PMPCB: variants seen among roughly 807,000 people sequenced by gnomAD.
PMPCB encodes the protein mitochondrial-processing peptidase subunit beta.
In PMPCB, 46 loss-of-function variants were observed where a neutral mutation model predicts 61.5. The observed-to-expected ratio is 0.75, with a 90% CI of 0.59 to 0.96. The LOEUF (loss-of-function observed/expected upper bound fraction) is 0.96, where lower values mean the gene tolerates loss of function less well. Among genes scored for constraint, PMPCB ranks in the 40% least tolerant of loss-of-function variants. The probability of loss-of-function intolerance (pLI) is 0.00; values close to 1 mark genes in which losing one functional copy is unlikely to be tolerated. For synonymous variants in PMPCB, 191 were observed against 201.6 expected, an observed-to-expected ratio of 0.95 and a Z score of 0.44; for missense variants, 590 against 602.4, an observed-to-expected ratio of 0.98 and a Z score of 0.22.
chr7:103,315,774 T>A, downstream of PMPCB: 1 of 1,613,008 alleles, frequency 6.2e-7, no homozygotes, highest in East Asian at 2.2e-5. Flanking sequence ...CTTCAAATCG[T>A]TCTGAAGGCG....
intron 7 of PMPCB, 144 bp downstream of exon 7, chr7:103,307,852 T>A: frequency 1.7e-6 from 1 of 574,876 alleles, no homozygotes; most frequent in Non-Finnish European, 3.1e-6. Flanking sequence ...TTTGCTTACA[T>A]TCCTTCCTCT....
intron 1 of PMPCB, chr7:103,298,035 G>C: frequency 1.3e-6 from 1 of 794,570 alleles, no homozygotes; most frequent in South Asian, 2.1e-5. Flanking sequence ...TTTGTATAAG[G>C]GCAAAGAAAA....
the PMPCB span, among the ~76,000 whole-genome samples, chr7:103,342,116 G>A: frequency 1.3e-5 from 2 of 152,248 alleles, no homozygotes; most frequent in African/African-American, 4.8e-5. Context: ...GTTTACATGA[G>A]GGTTAGCAAG....
downstream of PMPCB, among the ~76,000 whole-genome samples, chr7:103,317,948 T>C (rs1563457148): frequency 1.4e-5 from 1 of 72,064 alleles, no homozygotes; most frequent in Non-Finnish European, 2.7e-5. Context: ...ACCACGCTCA[T>C]AGTGCAGATT....
intron 12 of PMPCB, among the ~76,000 whole-genome samples, chr7:103,325,895 T>C (rs895000294): frequency 1.3e-5 from 2 of 151,866 alleles, no homozygotes; most frequent in African/African-American, 4.9e-5. Context: ...CAGAGAGTAG[T>C]ATACCGATTG....
chr7:103,344,794 G>T, the PMPCB span: 2 of 655,730 alleles, frequency 3.1e-6, no homozygotes, highest in Non-Finnish European at 2.7e-6. Flanking sequence ...GATCTTTCGT[G>T]GTGTGGAGGC....
At position 103,314,679 on chromosome 7, in the gene PMPCB, C is replaced by T. The variant is rs976714654; in HGVS notation, c.*2408C>T. ...TTTATTAAAAGAACCGAAATAATGC[C>T]TAACTCAGCCAAACAAGTCACTGCT... On this transcript the variant is annotated 3_prime_UTR_variant, in exon 13 of 13. Coordinates refer to ENST00000249269, the MANE Select transcript of PMPCB (RefSeq NM_004279.3). 1.0e-6 allele frequency: 1 copy of T among 983,666 alleles called. No individual in the cohort carries two copies. The highest frequency in any genetic ancestry group is 5.2e-4 in the Middle Eastern group (1 of 1,910). 60.9% of individuals were successfully genotyped at this position (983,666 alleles called of 1,614,324 possible). A position where few individuals can be genotyped will look rare whatever the true frequency, so the allele number is the denominator to read the frequency against.
At chr7:103,338,736 C>G in the PMPCB span, among the ~76,000 whole-genome samples, 5 of 151,570 alleles carry the variant, frequency 3.3e-5, no homozygotes, top group Non-Finnish European at 5.9e-5. Flanking sequence ...ATGGTGAAAC[C>G]CTGTCTCTAC....
chr7:103,301,928 TCTC>T (rs1275250544), intron 4 of PMPCB, among the ~76,000 whole-genome samples: 1 of 152,194 alleles, frequency 6.6e-6, no homozygotes, highest in Non-Finnish European at 1.5e-5. Context: ...ATTAGGTATA[TCTC>T]CTAACGCTAT....
chr7:103,311,495 A>T, intron 9 of PMPCB, 148 bp from the exon 10 acceptor site: 3 of 621,234 alleles, frequency 4.8e-6, no homozygotes, highest in Admixed American at 6.3e-5. Context: ...AATACTGGGG[A>T]AAATAATCAT....
chr7:103,338,899 G>A, the PMPCB span, among the ~76,000 whole-genome samples: 1 of 152,106 alleles, frequency 6.6e-6, no homozygotes, highest in Non-Finnish European at 1.5e-5. Context: ...AACAGAGTGA[G>A]ACTCCGTCTC....
downstream of PMPCB, among the ~76,000 whole-genome samples, chr7:103,334,383 G>T (rs1819086427): frequency 6.6e-6 from 1 of 151,666 alleles, no homozygotes; most frequent in African/African-American, 2.4e-5. Context: ...TCAACGTGGT[G>T]AAACCCAGTC....
intron 12 of PMPCB, among the ~76,000 whole-genome samples, chr7:103,324,218 GA>G (rs1818579144): frequency 6.6e-6 from 1 of 152,100 alleles, no homozygotes; most frequent in South Asian, 2.1e-4. Context: ...CTTTTAGTAG[GA>G]AGTAACTAAA....
chr7:103,337,673 A>G, the PMPCB span: 1 of 1,320,486 alleles, frequency 7.6e-7, no homozygotes. Context: ...TATCTTTTAA[A>G]AAGCATAGCC....
At position 103,311,915 on chromosome 7, in the gene PMPCB, C is replaced by T. The variant is rs375119439; in HGVS notation, c.1329+19C>T. Reference sequence around the variant, plus strand: ...AATTGATGTAAGTAGTCCTGAGTTACTATTGGGTCATGTGTAAAAAGATCC... The same window carrying T: ...AATTGATGTAAGTAGTCCTGAGTTATTATTGGGTCATGTGTAAAAAGATCC... On this transcript the variant is annotated intron_variant, in intron 11 of 12. Coordinates refer to ENST00000249269, the MANE Select transcript of PMPCB (RefSeq NM_004279.3). 6.5e-7 allele frequency: 1 copy of T among 1,548,316 alleles called. No homozygotes were observed. Among genetic ancestry groups the T allele is most frequent in the Non-Finnish European group, 8.9e-7 (1 of 1,126,124 alleles).
intron 1 of PMPCB, among the ~76,000 whole-genome samples, chr7:103,298,307 A>G (rs1450683837): frequency 2.6e-5 from 4 of 151,796 alleles, no homozygotes; most frequent in South Asian, 2.1e-4. Flanking sequence ...AATAAAGTCA[A>G]TTTCTCTCTG....
chr7:103,347,244 T>G, the PMPCB span, among the ~76,000 whole-genome samples: 1 of 152,364 alleles, frequency 6.6e-6, no homozygotes, highest in East Asian at 1.9e-4. Flanking sequence ...ATAGCTATCT[T>G]AATAGGTATG....
chr7:103,308,933 C>T lies in PMPCB; in HGVS notation c.850-19C>T, dbSNP rs1405487902. ...AATGTTAATCTTAACTAGAGGTCCT[C>T]CTGCTTTATCTTAACTAGATTCGTG... On this transcript the variant is annotated intron_variant, in intron 7 of 12. Coordinates refer to ENST00000249269, the MANE Select transcript of PMPCB (RefSeq NM_004279.3). The T allele has an allele frequency of 4.6e-6, 7 of 1,535,270 alleles. No homozygotes were observed. Among genetic ancestry groups the T allele is most frequent in the Non-Finnish European group, 6.1e-6 (7 of 1,139,180 alleles).
rs557870133 is a variant in PMPCB at position 103,299,670 on chromosome 7, T to G, written c.327+141T>G. 1.1e-4 allele frequency: 60 copies of G among 538,600 alleles called. No individual in the cohort carries two copies. In the African/African-American group the frequency reaches 1.1e-3, roughly 10 times the overall value. 33.4% of individuals were successfully genotyped at this position (538,600 alleles called of 1,614,324 possible). On this transcript the variant is annotated intron_variant, in intron 3 of 12. Coordinates refer to ENST00000249269, the MANE Select transcript of PMPCB (RefSeq NM_004279.3). ...TTTCCAGGACAGTATCTAAAATAAGTAGTGATAATTGCTTTGTAAAGCTGA... is the reference window on the plus strand; with the variant it reads ...TTTCCAGGACAGTATCTAAAATAAGGAGTGATAATTGCTTTGTAAAGCTGA...
Sources: allele counts gnomAD v4.1 joint callset (sites outside exome capture counted in the v4.1 genomes callset), GRCh38; gene constraint gnomAD v4.1.1; transcripts MANE v1.5; gene names NCBI Gene and HGNC (gene_info 2026-07-23, HGNC 2026-07-21).